Variants in FRMD5 observed in about 807,000 individuals in gnomAD.
FRMD5 encodes the protein FERM domain-containing protein 5.
In FRMD5, 20 loss-of-function variants were observed where a neutral mutation model predicts 69.0. The ratio of observed to expected loss-of-function variants is 0.29; its 90% CI spans 0.20 to 0.42. The LOEUF (loss-of-function observed/expected upper bound fraction) is 0.42, where lower values mean the gene tolerates loss of function less well. FRMD5 is among the 10% of genes least tolerant of loss of function. The pLI, the probability that FRMD5 is intolerant of heterozygous loss-of-function variation, is 1.00. For missense variants in FRMD5, 595 were observed against 708.6 expected, an observed-to-expected ratio of 0.84 and a Z score of 1.82; for synonymous variants, 271 against 260.1, an observed-to-expected ratio of 1.04 and a Z score of -0.40.
intron 1 of FRMD5, among the ~76,000 whole-genome samples, chr15:43,944,582 G>T (rs780349116): frequency 2.6e-5 from 4 of 151,302 alleles, no homozygotes; most frequent in Non-Finnish European, 4.4e-5. Context: ...GGTGTGAGCC[G>T]CCACGACCAG....
chr15:44,062,364 CT>C (rs955463812), intron 1 of FRMD5, among the ~76,000 whole-genome samples: 1 of 152,096 alleles, frequency 6.6e-6, no homozygotes, highest in Admixed American at 6.5e-5. Flanking sequence ...AAGACACGGT[CT>C]TTCTGAAGAA....
At chr15:44,108,220 C>A (rs1327784627) in intron 1 of FRMD5, among the ~76,000 whole-genome samples, 1 of 152,118 alleles carries the variant, frequency 6.6e-6, no homozygotes, top group Non-Finnish European at 1.5e-5. Context: ...TTAACAGTCT[C>A]CCTTGCCAGG....
chr15:43,999,953 C>T lies in FRMD5; in HGVS notation c.103-75644G>A, dbSNP rs1479596967. On this transcript the variant is annotated intron_variant, in intron 1 of 13. Coordinates refer to ENST00000417257, the MANE Select transcript of FRMD5 (RefSeq NM_032892.5). ...TATATATATATATATATATGCCATG[C>T]ATATATATATATATATATATATATA... 4.2e-3 allele frequency among the ~76,000 whole-genome samples: 352 copies of T among 82,910 alleles called. 14 individuals are homozygous for T. Among genetic ancestry groups the T allele is most frequent in the African/African-American group, 0.02 (316 of 15,654 alleles). 54.4% of individuals were successfully genotyped at this position (82,910 alleles called of 152,430 possible).
chr15:43,885,849 A>G, intron 10 of FRMD5, 94 bp from the exon 11 acceptor site: 1 of 964,672 alleles, frequency 1.0e-6, no homozygotes, highest in Non-Finnish European at 1.7e-6. Context: ...AGGCTACTTG[A>G]AACTTCAGGA....
intron 1 of FRMD5, among the ~76,000 whole-genome samples, chr15:43,973,908 G>A (rs1469812903): frequency 6.6e-6 from 1 of 150,650 alleles, no homozygotes; most frequent in Non-Finnish European, 1.5e-5. Context: ...TACTTGTACA[G>A]TTTAACTGCT....
At chr15:44,064,948 T>G (rs1332562925) in intron 1 of FRMD5, among the ~76,000 whole-genome samples, 3 of 152,246 alleles carry the variant, frequency 2.0e-5, no homozygotes, top group Non-Finnish European at 4.4e-5. Context: ...AGGATGTCAC[T>G]GCACATATGC....
At chr15:44,104,556 G>A (rs115700908) in intron 1 of FRMD5, among the ~76,000 whole-genome samples, 5,603 of 152,152 alleles carry the variant, frequency 0.037, 291 homozygotes, top group African/African-American at 0.12. Flanking sequence ...TGTTTCATAC[G>A]TTAAAGATGT....
At chr15:43,883,094 C>T (rs955642121) in intron 13 of FRMD5, among the ~76,000 whole-genome samples, 2 of 151,902 alleles carry the variant, frequency 1.3e-5, no homozygotes, top group African/African-American at 4.8e-5. Flanking sequence ...CTGCGCCAGC[C>T]CCTTTTTTTA....
chr15:44,001,824 C>T (rs1181406740), intron 1 of FRMD5, among the ~76,000 whole-genome samples: 1 of 151,932 alleles, frequency 6.6e-6, no homozygotes, highest in Non-Finnish European at 1.5e-5. Flanking sequence ...GTCTTGAACC[C>T]CTGAGCTCAA....
chr15:44,022,643 T>C (rs759432955), intron 1 of FRMD5, among the ~76,000 whole-genome samples: 128 of 133,530 alleles, frequency 9.6e-4, no homozygotes, highest in Non-Finnish European at 1.7e-3. Context: ...TACACTTGAA[T>C]AATTTTAAAA....
intron 1 of FRMD5, among the ~76,000 whole-genome samples, chr15:44,083,126 A>T (rs1394902290): frequency 1.3e-5 from 2 of 151,966 alleles, no homozygotes. Flanking sequence ...TTACCTTTGG[A>T]CCTCAGTGGT....
intron 1 of FRMD5, among the ~76,000 whole-genome samples, chr15:44,022,033 C>A (rs1219643434): frequency 1.3e-5 from 2 of 151,876 alleles, no homozygotes; most frequent in African/African-American, 4.8e-5. Flanking sequence ...ATAAGCCAGA[C>A]ACAAAAGGAA....
At chr15:44,155,375 T>G (rs959544789) in intron 1 of FRMD5, among the ~76,000 whole-genome samples, 35 of 149,128 alleles carry the variant, frequency 2.3e-4, no homozygotes, top group African/African-American at 7.9e-4. Context: ...GAGGTTGCAG[T>G]GGGCCGAGAT....
At position 44,093,871 on chromosome 15, in the gene FRMD5, C is replaced by A. The variant is rs140290533; in HGVS notation, c.102+101082G>T. On this transcript the variant is annotated intron_variant, in intron 1 of 13. Transcript: ENST00000417257. ...ACAGGCGTGATCCACCACGCCCGGC[C>A]CCTAATATCTTAATGGAGCAATACA... is the stretch of plus-strand genomic sequence containing the variant. Among the ~76,000 whole-genome samples, 10 of 152,054 alleles carry A rather than the reference C, an allele frequency of 6.6e-5. No individual in the cohort carries two copies. In the East Asian group the frequency reaches 1.9e-3, roughly 29 times the overall value.
chr15:44,182,894 C>T (rs1256805148), intron 1 of FRMD5, among the ~76,000 whole-genome samples: 2 of 152,074 alleles, frequency 1.3e-5, no homozygotes, highest in Non-Finnish European at 2.9e-5. Context: ...CTCCCGGGTT[C>T]ACATCATTCT....
chr15:43,930,989 A>G (rs2412822), intron 1 of FRMD5, among the ~76,000 whole-genome samples: 40,817 of 152,154 alleles, frequency 0.27, 10,550 homozygotes, highest in African/African-American at 0.68. Context: ...TGTAAGAGCA[A>G]GGCTAACAAG....
rs149446760 is a variant in FRMD5, at chr15:43,904,011, C to T, written c.552-1749G>A. On this transcript the variant is annotated intron_variant, in intron 6 of 13. Coordinates refer to ENST00000417257, the MANE Select transcript of FRMD5 (RefSeq NM_032892.5). ...TGACTTGAGGAGCCATGGGGTCCTG[C>T]ACCTGGGAAGGCACACCGAGGGAGA... Among the ~76,000 whole-genome samples the T allele has an allele frequency of 7.8e-3, 1,194 of 152,258 alleles. 9 individuals carry two copies. Among genetic ancestry groups the T allele is most frequent in the Non-Finnish European group, 0.013 (918 of 68,014 alleles).
intron 1 of FRMD5, among the ~76,000 whole-genome samples, chr15:44,029,065 G>A (rs192009887): frequency 1.3e-5 from 2 of 152,224 alleles, no homozygotes; most frequent in East Asian, 3.9e-4. Flanking sequence ...ACAAATATTT[G>A]CCAAATGAAG....
intron 1 of FRMD5, among the ~76,000 whole-genome samples, chr15:44,045,639 C>CAT (rs1462481842): frequency 6.6e-6 from 1 of 152,038 alleles, no homozygotes; most frequent in African/African-American, 2.4e-5. Flanking sequence ...GACTATTCTT[C>CAT]AATAGACAGT....
Sources: gnomAD v4.1 joint callset for allele counts (sites outside exome capture counted in the v4.1 genomes callset) on GRCh38, gnomAD v4.1.1 for gene constraint, MANE v1.5 for transcripts, NCBI Gene and HGNC (gene_info 2026-07-23, HGNC 2026-07-21) for gene names.